NBPF20: variants seen among roughly 807,000 people sequenced by gnomAD.
NBPF20 encodes the protein NBPF family member NBPF20.
NBPF20 carries 90 observed loss-of-function variants against 68.1 expected under a neutral mutation model. The observed-to-expected ratio is 1.32, with a 90% CI of 1.11 to 1.58. The LOEUF (loss-of-function observed/expected upper bound fraction) is 1.58, where lower values mean the gene tolerates loss of function less well. Ranked by LOEUF, NBPF20 falls within the 40% of genes most tolerant of loss-of-function variation. NBPF20 has a pLI of 0.00. For synonymous variants in NBPF20, 290 were observed against 228.1 expected (o/e 1.27, Z -2.45); for missense variants, 816 against 601.2 (o/e 1.36, Z -3.74).
rs1553662708 is a variant in NBPF20 at position 145,393,477 on chromosome 1, AC to A, written c.1044-232del. Among the ~76,000 whole-genome samples the A allele has an allele frequency of 1.6e-4, 24 of 151,950 alleles. 1 individual carries two copies. In the East Asian group the frequency reaches 3.7e-3, roughly 23 times the overall value. On this transcript the variant is annotated intron_variant, in intron 9 of 137. Transcript: ENST00000369373. ...CACACAAACACACACACACACACAC[AC>A]ACACACACACACAGAGCGAGCTCAG...
Position 145,292,447 on chromosome 1 carries a change from CTTCTTCCCCTTCTT to C in NBPF20, c.16617_16630del (p.Arg5540IlefsTer34), listed in dbSNP as rs1348097075. 5 of 709,618 alleles carry C rather than the reference CTTCTTCCCCTTCTT, an allele frequency of 7.0e-6. No homozygotes were observed. Among genetic ancestry groups the C allele is most frequent in the African/African-American group, 4.2e-5 (2 of 47,604 alleles). 44.0% of individuals were successfully genotyped at this position (709,618 alleles called of 1,614,324 possible). On this transcript the variant is annotated frameshift_variant, in exon 137 of 138. Transcript: ENST00000369373. LOFTEE classifies it high-confidence loss of function. ...TCCCCTTCTTCTTTTCTTCTTTGAT[CTTCTTCCCCTTCTT>C]TTCTTCCCCTTCCCCTTCTTTTCAA...
At chr1:145,298,405 T>A (rs1661345699) in intron 129 of NBPF20, among the ~76,000 whole-genome samples, 2 of 139,710 alleles carry the variant, frequency 1.4e-5, no homozygotes, top group African/African-American at 3.0e-5. Flanking sequence ...GAGAACGAGC[T>A]CAGTGAATTG....
upstream of NBPF20, among the ~76,000 whole-genome samples, chr1:145,410,317 CTTTT>C (rs782521148): frequency 7.7e-5 from 11 of 142,294 alleles, no homozygotes; most frequent in African/African-American, 1.8e-4. Flanking sequence ...CATGTATCTT[CTTTT>C]TTTTTTTTTT....
exon 138 of NBPF20, chr1:145,290,239 A>AT (rs1660980125): frequency 6.7e-6 from 1 of 148,814 alleles, no homozygotes; most frequent in Non-Finnish European, 1.5e-5. Context: ...AATACAGGAT[A>AT]TTTATACTCT....
intron 6 of NBPF20, 30 bp downstream of exon 11, chr1:145,400,359 G>A (rs1340810714): frequency 1.2e-6 from 2 of 1,611,834 alleles, no homozygotes; most frequent in South Asian, 1.1e-5. Flanking sequence ...CCTAGAGAGA[G>A]GTATGAGACA....
At chr1:145,408,572 GCTT>G (rs1472226378), upstream of NBPF20, among the ~76,000 whole-genome samples, 2 of 151,618 alleles carry the variant, frequency 1.3e-5, no homozygotes, top group African/African-American at 2.4e-5. Context: ...CCAACTTATT[GCTT>G]CTTCAAGACC....
chr1:145,291,999 A>C (rs1403708199), intron 137 of NBPF20, among the ~76,000 whole-genome samples: 2 of 150,048 alleles, frequency 1.3e-5, no homozygotes, highest in Non-Finnish European at 2.9e-5. Flanking sequence ...AGAGAGAGAA[A>C]GTGACCTAGT....
rs587723065 is a variant in NBPF20 at position 145,291,773 on chromosome 1, G to C, written c.16698-4C>G. The C allele has an allele frequency of 1.6e-5, 26 of 1,611,822 alleles. No homozygotes were observed. In the South Asian group the frequency reaches 2.1e-4, roughly 13 times the overall value. ...TTCCATCAGCACGCCGTTGAGCCTG[G>C]AAAAGGAGACAAAACTAAAGAAGCA... On this transcript the variant is annotated splice_polypyrimidine_tract_variant and splice_region_variant and intron_variant, in intron 137 of 137. Transcript: ENST00000369373.
intron 9 of NBPF20, 124 bp downstream of exon 14, chr1:145,393,760 G>C: frequency 6.6e-7 from 1 of 1,506,016 alleles, no homozygotes; most frequent in Non-Finnish European, 9.1e-7. Flanking sequence ...AAGCAATGTA[G>C]TAGGCATAAT....
the NBPF20 span, among the ~76,000 whole-genome samples, chr1:145,417,032 T>A: frequency 4.6e-4 from 63 of 138,232 alleles, no homozygotes; most frequent in African/African-American, 1.6e-3. Context: ...TCAGAAAAAC[T>A]CCCTGAGGTT....
At chr1:145,419,664 A>G in the NBPF20 span, among the ~76,000 whole-genome samples, 15 of 151,894 alleles carry the variant, frequency 9.9e-5, no homozygotes, top group African/African-American at 3.6e-4. Context: ...CTCCCCCAGG[A>G]CCTGGTGGAC....
chr1:145,397,865 G>A (rs1434899541), intron 7 of NBPF20, among the ~76,000 whole-genome samples: 3 of 152,096 alleles, frequency 2.0e-5, no homozygotes, highest in Admixed American at 6.6e-5. Context: ...ACACACATAG[G>A]CTCAAACTAA....
chr1:145,417,673 T>G, the NBPF20 span, among the ~76,000 whole-genome samples: 2 of 120,512 alleles, frequency 1.7e-5, no homozygotes, highest in Non-Finnish European at 3.5e-5. Flanking sequence ...ATTAATAAGA[T>G]ATACAGATGG....
At chr1:145,405,687 A>G, upstream of NBPF20, 2 of 543,492 alleles carry the variant, frequency 3.7e-6, no homozygotes, top group East Asian at 3.1e-5. Context: ...GTCACCACCA[A>G]TGGGGATCAT....
At chr1:145,411,317 T>G in the NBPF20 span, among the ~76,000 whole-genome samples, 1 of 151,272 alleles carries the variant, frequency 6.6e-6, no homozygotes, top group Admixed American at 6.6e-5. Flanking sequence ...CTTTCATAAT[T>G]TCTCAAAGCA....
At chr1:145,415,247 T>C in the NBPF20 span, among the ~76,000 whole-genome samples, 2 of 151,806 alleles carry the variant, frequency 1.3e-5, no homozygotes, top group Non-Finnish European at 2.9e-5. Flanking sequence ...TGCCAGCATG[T>C]CCCACCTCCA....
At chr1:145,407,402 A>G (rs1662839577), upstream of NBPF20, among the ~76,000 whole-genome samples, 1 of 145,606 alleles carries the variant, frequency 6.9e-6, no homozygotes, top group African/African-American at 2.6e-5. Flanking sequence ...GTGTATATAT[A>G]TTATACACAT....
At chr1:145,393,738 A>G in intron 9 of NBPF20, 146 bp downstream of exon 14, 4 of 1,513,128 alleles carry the variant, frequency 2.6e-6, no homozygotes, top group South Asian at 1.1e-5. Flanking sequence ...ATGTACTCTA[A>G]TGAGAACCAG....
At chr1:145,408,368 T>C (rs1662890270), upstream of NBPF20, among the ~76,000 whole-genome samples, 2 of 152,078 alleles carry the variant, frequency 1.3e-5, no homozygotes, top group African/African-American at 4.8e-5. Flanking sequence ...GCTGGAAAAC[T>C]TTTTTGTTTT....
Sources: gnomAD v4.1 joint callset for allele counts (sites outside exome capture counted in the v4.1 genomes callset) on GRCh38, gnomAD v4.1.1 for gene constraint, MANE v1.5 for transcripts, NCBI Gene and HGNC (gene_info 2026-07-23, HGNC 2026-07-21) for gene names.